Variants in MAGI2 observed in about 807,000 individuals in gnomAD.
The protein encoded by MAGI2 is membrane-associated guanylate kinase, WW and PDZ domain-containing protein 2.
A neutral mutation model predicts 133.3 loss-of-function variants in MAGI2; 35 were observed. The observed-to-expected ratio is 0.26, with a 90% CI of 0.20 to 0.35. The LOEUF (loss-of-function observed/expected upper bound fraction) is 0.35, where lower values mean the gene tolerates loss of function less well. Ranked by LOEUF, MAGI2 falls within the 10% of genes least tolerant of loss-of-function variation. The pLI, the probability that MAGI2 is intolerant of heterozygous loss-of-function variation, is 1.00. For synonymous variants in MAGI2, 729 were observed against 710.6 expected (o/e 1.03, Z -0.41); for missense variants, 1,636 against 1,863.4 (o/e 0.88, Z 2.25).
intron 20 of MAGI2, among the ~76,000 whole-genome samples, chr7:78,083,126 C>A (rs3779311): frequency 6.6e-6 from 1 of 151,652 alleles, no homozygotes; most frequent in Non-Finnish European, 1.5e-5. Flanking sequence ...CTATCACAAT[C>A]GGGAGAATTA....
At chr7:78,717,387 A>G (rs564978843) in intron 2 of MAGI2, among the ~76,000 whole-genome samples, 15 of 152,282 alleles carry the variant, frequency 9.9e-5, no homozygotes, top group East Asian at 3.9e-4. Flanking sequence ...AAAATGCCAT[A>G]TATCAATGAA....
chr7:79,319,859 C>T (rs1013036883), intron 1 of MAGI2, among the ~76,000 whole-genome samples: 7 of 152,250 alleles, frequency 4.6e-5, no homozygotes, highest in African/African-American at 9.6e-5. Context: ...GATTGACCCA[C>T]GTTTCCCAGG....
intron 3 of MAGI2, among the ~76,000 whole-genome samples, chr7:78,555,764 A>G (rs1002651856): frequency 9.9e-5 from 15 of 152,282 alleles, no homozygotes; most frequent in African/African-American, 2.9e-4. Flanking sequence ...ATTTTAGTCA[A>G]TGACTACACT....
At chr7:78,098,699 T>A (rs938169102) in intron 20 of MAGI2, among the ~76,000 whole-genome samples, 5 of 152,214 alleles carry the variant, frequency 3.3e-5, no homozygotes, top group Admixed American at 6.5e-5. Flanking sequence ...AGTTGCTGCA[T>A]CAATTTACAC....
chr7:78,828,541 C>T (rs73369458), intron 2 of MAGI2, among the ~76,000 whole-genome samples: 4,251 of 152,200 alleles, frequency 0.028, 143 homozygotes, highest in African/African-American at 0.08. Flanking sequence ...TCTAAATATA[C>T]ATGATGACTA....
At chr7:78,963,317 G>GC in intron 2 of MAGI2, among the ~76,000 whole-genome samples, 1 of 152,162 alleles carries the variant, frequency 6.6e-6, no homozygotes, top group Middle Eastern at 3.4e-3. Context: ...TATAGGGAAA[G>GC]CACTTTATCT....
At chr7:79,075,766 T>A (rs1265093446) in intron 1 of MAGI2, among the ~76,000 whole-genome samples, 1 of 152,018 alleles carries the variant, frequency 6.6e-6, no homozygotes, top group African/African-American at 2.4e-5. Flanking sequence ...CTTTCAATAA[T>A]AATATCATTA....
intron 2 of MAGI2, among the ~76,000 whole-genome samples, chr7:78,693,749 G>A (rs1422115664): frequency 6.6e-6 from 1 of 152,074 alleles, no homozygotes; most frequent in Non-Finnish European, 1.5e-5. Flanking sequence ...CATCCTTAAG[G>A]TGATTCTTTT....
chr7:78,569,053 G>C (rs193050850), intron 3 of MAGI2, among the ~76,000 whole-genome samples: 2 of 151,838 alleles, frequency 1.3e-5, no homozygotes, highest in Admixed American at 1.3e-4. Context: ...CAGATATCTT[G>C]TTATCAGAGA....
At chr7:79,387,541 G>A (rs1258611059) in intron 1 of MAGI2, among the ~76,000 whole-genome samples, 3 of 151,888 alleles carry the variant, frequency 2.0e-5, no homozygotes, top group African/African-American at 7.3e-5. Flanking sequence ...AAATTATTAT[G>A]ACTCCTGTTT....
At chr7:79,196,629 A>G (rs1313733835) in intron 1 of MAGI2, among the ~76,000 whole-genome samples, 3 of 151,972 alleles carry the variant, frequency 2.0e-5, no homozygotes, top group Non-Finnish European at 2.9e-5. Flanking sequence ...ACTATTGTTC[A>G]CTGTAGTGTG....
intron 2 of MAGI2, among the ~76,000 whole-genome samples, chr7:78,775,799 T>C (rs1434527421): frequency 1.3e-5 from 2 of 152,210 alleles, no homozygotes. Flanking sequence ...AACTAATAAG[T>C]GCAGTTTCTG....
At chr7:79,180,099 G>A (rs1826477809) in intron 1 of MAGI2, among the ~76,000 whole-genome samples, 1 of 151,936 alleles carries the variant, frequency 6.6e-6, no homozygotes, top group Non-Finnish European at 1.5e-5. Flanking sequence ...TAAAAAGTGA[G>A]CAAAGAACAC....
intron 2 of MAGI2, among the ~76,000 whole-genome samples, chr7:78,705,426 C>T (rs1818543906): frequency 6.6e-6 from 1 of 152,128 alleles, no homozygotes; most frequent in South Asian, 2.1e-4. Context: ...ATAAATTACC[C>T]AGTCTCAGGT....
intron 6 of MAGI2, among the ~76,000 whole-genome samples, chr7:78,432,094 A>C (rs1238489312): frequency 1.3e-5 from 2 of 151,914 alleles, no homozygotes; most frequent in South Asian, 4.1e-4. Context: ...CATACAACAC[A>C]TGAGGCAGTA....
chr7:79,002,022 G>A (rs1392473906), intron 2 of MAGI2, among the ~76,000 whole-genome samples: 3 of 151,598 alleles, frequency 2.0e-5, no homozygotes, highest in Non-Finnish European at 2.9e-5. Flanking sequence ...TTGTCTCATT[G>A]TCATTTTCTC....
chr7:78,294,392 T>C (rs925270077), intron 9 of MAGI2, among the ~76,000 whole-genome samples: 1 of 152,176 alleles, frequency 6.6e-6, no homozygotes, highest in East Asian at 1.9e-4. Context: ...TTATTTAGTG[T>C]AGTTTCTATT....
intron 9 of MAGI2, among the ~76,000 whole-genome samples, chr7:78,329,794 G>A (rs1788983912): frequency 6.6e-6 from 1 of 152,094 alleles, no homozygotes; most frequent in South Asian, 2.1e-4. Context: ...GCATCCTACG[G>A]CATACTTACA....
intron 3 of MAGI2, among the ~76,000 whole-genome samples, chr7:78,589,772 T>G (rs7779620): frequency 0.25 from 38,312 of 152,182 alleles, 5,729 homozygotes; most frequent in Middle Eastern, 0.4. Flanking sequence ...TCAAGAAATA[T>G]AGCATTCTTT....
Sources: allele counts gnomAD v4.1 joint callset (sites outside exome capture counted in the v4.1 genomes callset), GRCh38; gene constraint gnomAD v4.1.1; transcripts MANE v1.5; gene names NCBI Gene and HGNC (gene_info 2026-07-23, HGNC 2026-07-21).